Variants in PDK3 observed in about 807,000 individuals in gnomAD.
PDK3 encodes the protein pyruvate dehydrogenase kinase 3.
PDK3 carries 12 observed loss-of-function variants against 32.0 expected under a neutral mutation model. The ratio of observed to expected loss-of-function variants is 0.37; its 90% CI spans 0.24 to 0.61. The LOEUF (loss-of-function observed/expected upper bound fraction) is 0.61, where lower values mean the gene tolerates loss of function less well. Ranked by LOEUF, PDK3 falls within the 20% of genes least tolerant of loss-of-function variation. PDK3 has a pLI of 0.65. For synonymous variants in PDK3, 122 were observed against 116.3 expected (o/e 1.05, Z -0.31); for missense variants, 188 against 316.9 (o/e 0.59, Z 3.09).
chrX:24,508,638 C>T (rs188716358), intron 5 of PDK3, among the ~76,000 whole-genome samples: 2 of 111,267 alleles, frequency 1.8e-5, no homozygotes, highest in East Asian at 2.8e-4. Context: ...CAGAATCGAT[C>T]GTTTTATGGC....
intron 1 of PDK3, among the ~76,000 whole-genome samples, chrX:24,467,365 A>G (rs187902147): frequency 4.0e-3 from 449 of 112,929 alleles, no homozygotes; most frequent in Middle Eastern, 0.014. Flanking sequence ...TGAACTTTCT[A>G]AAAGAAAACT....
exon 12 of PDK3, chrX:24,546,717 C>G (rs931627875): frequency 9.9e-5 from 11 of 111,608 alleles, no homozygotes; most frequent in East Asian, 2.8e-4. Context: ...CTGGTCATCC[C>G]TGGGGGTAGA....
chrX:24,497,889 C>A (rs1300801016), intron 2 of PDK3, among the ~76,000 whole-genome samples: 1 of 112,336 alleles, frequency 8.9e-6, no homozygotes, highest in Non-Finnish European at 1.9e-5. Flanking sequence ...CCAGATCCAA[C>A]AGATCCTGGC....
At chrX:24,518,850 CACACACA>C in intron 5 of PDK3, 76 bp from the exon 6 acceptor site, 1 of 458,084 alleles carries the variant, frequency 2.2e-6, no homozygotes, top group Non-Finnish European at 3.6e-6. Flanking sequence ...CACACACACA[CACACACA>C]CACACACACA....
chrX:24,480,114 A>G (rs1200212927), intron 1 of PDK3, among the ~76,000 whole-genome samples: 1 of 111,497 alleles, frequency 9.0e-6, no homozygotes, highest in Non-Finnish European at 1.9e-5. Flanking sequence ...ACCGCCTCCC[A>G]AGCATTACCA....
intron 1 of PDK3, among the ~76,000 whole-genome samples, chrX:24,475,257 T>G (rs761717717): frequency 1.8e-5 from 2 of 110,565 alleles, no homozygotes; most frequent in South Asian, 7.8e-4. Context: ...CCAACCTGTT[T>G]GGAGAAAGGG....
chrX:24,492,457 C>T (rs185123074), intron 1 of PDK3, among the ~76,000 whole-genome samples: 6 of 110,576 alleles, frequency 5.4e-5, no homozygotes, highest in African/African-American at 1.3e-4. Flanking sequence ...AGCATTGTGA[C>T]GGGCGCCTGT....
downstream of PDK3, chrX:24,539,240 C>T: frequency 1.5e-6 from 1 of 665,349 alleles, no homozygotes. Context: ...TGCTTTCTCC[C>T]ACCTGCTCTG....
chrX:24,514,509 T>C (rs183351313), intron 5 of PDK3, among the ~76,000 whole-genome samples: 1 of 112,065 alleles, frequency 8.9e-6, no homozygotes, highest in East Asian at 2.8e-4. Flanking sequence ...TTTTTTGAAA[T>C]TTTGATTTCT....
intron 1 of PDK3, among the ~76,000 whole-genome samples, chrX:24,478,280 A>G (rs759755203): frequency 9.0e-5 from 10 of 110,966 alleles, no homozygotes; most frequent in African/African-American, 3.0e-4. Flanking sequence ...CCCCATATCT[A>G]CTAAAAAAAA....
intron 1 of PDK3, among the ~76,000 whole-genome samples, chrX:24,475,104 T>G (rs1921079776): frequency 8.9e-6 from 1 of 111,773 alleles, no homozygotes; most frequent in African/African-American, 3.3e-5. Flanking sequence ...TTTAAAAAAA[T>G]TATGTTAGGA....
chrX:24,488,639 G>A lies in PDK3; in HGVS notation c.107-6103G>A, dbSNP rs1033465144. ...AGGAGGTGGAGGTTGCCGCCACTTG[G>A]TGAGCCAAGATTGCGCCACTGCACT... On this transcript the variant is annotated intron_variant, in intron 1 of 10. Coordinates refer to ENST00000379162, the MANE Select transcript of PDK3 (RefSeq NM_005391.5). Among the ~76,000 whole-genome samples, 3 of 112,081 alleles carry A rather than the reference G, an allele frequency of 2.7e-5. No individual in the cohort carries two copies. In the Admixed American group the frequency reaches 2.9e-4, roughly 11 times the overall value.
At chrX:24,542,990 A>G (rs1383452232) in exon 12 of PDK3, among the ~76,000 whole-genome samples, 1 of 112,135 alleles carries the variant, frequency 8.9e-6, no homozygotes, top group East Asian at 2.8e-4. Context: ...GGTTGTCCAT[A>G]TCTGGTGGTG....
chrX:24,522,604 C>T (rs1280277581), intron 6 of PDK3, among the ~76,000 whole-genome samples: 1 of 111,295 alleles, frequency 9.0e-6, no homozygotes, highest in Non-Finnish European at 1.9e-5. Flanking sequence ...CCTCGAGCCC[C>T]ATTAAAATGA....
chrX:24,500,986 T>C (rs1179910707), intron 3 of PDK3, among the ~76,000 whole-genome samples: 2 of 111,973 alleles, frequency 1.8e-5, no homozygotes, highest in Non-Finnish European at 3.8e-5. Context: ...GGACAAATTG[T>C]CTATTATAAA....
intron 1 of PDK3, among the ~76,000 whole-genome samples, chrX:24,486,165 C>A (rs932960212): frequency 1.8e-5 from 2 of 111,225 alleles, no homozygotes; most frequent in African/African-American, 6.5e-5. Flanking sequence ...TTGATTGTGG[C>A]AGACTAGGCC....
At chrX:24,472,675 C>CTTTT (rs761538432) in intron 1 of PDK3, among the ~76,000 whole-genome samples, 1,756 of 49,600 alleles carry the variant, frequency 0.035, 5 homozygotes, top group Middle Eastern at 0.051. Context: ...TTCTTTCTTT[C>CTTTT]TTTTTTTTTT....
At chrX:24,513,306 C>G (rs1569225040) in intron 5 of PDK3, 1 of 110,705 alleles carries the variant, frequency 9.0e-6, no homozygotes, top group Non-Finnish European at 1.9e-5. Context: ...GATAGACATG[C>G]CTTATTAGAA....
intron 1 of PDK3, among the ~76,000 whole-genome samples, chrX:24,481,105 G>A (rs1483578901): frequency 2.8e-5 from 3 of 106,841 alleles, no homozygotes; most frequent in East Asian, 2.9e-4. Flanking sequence ...GTGGAGTGGC[G>A]CGATCTTGGC....
Sources: gnomAD v4.1 joint callset for allele counts (sites outside exome capture counted in the v4.1 genomes callset) on GRCh38, gnomAD v4.1.1 for gene constraint, MANE v1.5 for transcripts, NCBI Gene and HGNC (gene_info 2026-07-23, HGNC 2026-07-21) for gene names.